MET: variants seen among roughly 807,000 people sequenced by gnomAD.
MET encodes hepatocyte growth factor receptor.
In MET, 48 loss-of-function variants were observed where a neutral mutation model predicts 133.1. That is an observed-to-expected ratio of 0.36 (90% CI 0.29 to 0.46). The LOEUF (loss-of-function observed/expected upper bound fraction) is 0.46. Among genes scored for constraint, MET ranks in the 20% least tolerant of loss-of-function variants. The pLI, the probability that MET is intolerant of heterozygous loss-of-function variation, is 1.00. For missense variants in MET, 1,442 were observed against 1,695.9 expected (o/e 0.85, Z 2.63); for synonymous variants, 628 against 616.5 (o/e 1.02, Z -0.28).
In MET at chr7:116,729,173, T is replaced by TAATC. The variant is rs1792901910; in HGVS notation, c.1201-2494_1201-2491dup. The stretch of plus-strand genomic sequence containing the variant: ...CTCAGTTATCTGCTACTCCTCAGAG[T>TAATC]AATCCATAGTACTTTAGTGAAGAAA... On this transcript the variant is annotated intron_variant, in intron 2 of 20. Transcript: ENST00000397752. Among the ~76,000 whole-genome samples the TAATC allele has an allele frequency of 1.1e-4, 16 of 152,336 alleles. No individual in the cohort carries two copies. The South Asian group carries it at 3.3e-3, about 32-fold the overall frequency.
chr7:116,733,202 T>G (rs942424476), intron 3 of MET, among the ~76,000 whole-genome samples: 10 of 152,204 alleles, frequency 6.6e-5, no homozygotes, highest in African/African-American at 2.4e-4. Flanking sequence ...TGTGTAGTAT[T>G]GTTCTGTGTT....
intron 2 of MET, among the ~76,000 whole-genome samples, chr7:116,709,569 G>A (rs1162943809): frequency 6.6e-6 from 1 of 151,972 alleles, no homozygotes; most frequent in Non-Finnish European, 1.5e-5. Flanking sequence ...ATTTTTGCTT[G>A]GCCGAGAAAG....
At chr7:116,758,683 A>G in intron 9 of MET, 63 bp downstream of exon 9, 4 of 1,543,154 alleles carry the variant, frequency 2.6e-6, no homozygotes, top group Non-Finnish European at 3.6e-6. Flanking sequence ...TTGCTGTAGA[A>G]TAGTCAAGAG....
intron 2 of MET, among the ~76,000 whole-genome samples, chr7:116,702,461 T>A (rs2116618512): frequency 1.3e-5 from 2 of 152,208 alleles, no homozygotes; most frequent in South Asian, 4.1e-4. Flanking sequence ...TTTCCTAGCT[T>A]AATGCCAAAA....
chr7:116,789,289 C>A (rs1246257547), intron 19 of MET, among the ~76,000 whole-genome samples: 1 of 152,188 alleles, frequency 6.6e-6, no homozygotes, highest in East Asian at 1.9e-4. Context: ...CAATAACCAC[C>A]TTTGATTCTC....
chr7:116,772,416 A>G (rs928839079), intron 14 of MET, among the ~76,000 whole-genome samples: 1 of 152,200 alleles, frequency 6.6e-6, no homozygotes, highest in Non-Finnish European at 1.5e-5. Context: ...AGTGTTTTCA[A>G]TGAACTGTTA....
chr7:116,768,287 A>G (rs182735227), intron 11 of MET, among the ~76,000 whole-genome samples: 194 of 152,280 alleles, frequency 1.3e-3, no homozygotes, highest in Middle Eastern at 6.8e-3. Flanking sequence ...TTTCTCATAA[A>G]TCAAATCCTA....
At chr7:116,778,661 C>CAGGACA (rs1795061804) in intron 16 of MET, 115 bp from the exon 17 acceptor site, 1 of 1,117,030 alleles carries the variant, frequency 9.0e-7, no homozygotes, top group Non-Finnish European at 1.3e-6. Flanking sequence ...GTCAAACCCT[C>CAGGACA]AGGACAAGAT....
rs773659883 is a variant in MET at position 116,699,425 on chromosome 7, A to T, written c.341A>T (p.Asp114Val). The change falls in exon 2 of 21, where the codon GAT becomes GTT. Residue 114 changes from aspartate to valine, a missense_variant. Transcript: ENST00000397752. ...AATTTATCAGGAGGTGTTTGGAAAG[A>T]TAACATCAACATGGCTCTAGTTGTC... ...KANLSGGVWK[D>V]NINMALVVDT... 7.4e-6 allele frequency: 12 copies of T among 1,613,982 alleles called. No individual in the cohort carries two copies. The African/African-American group carries it at 1.6e-4, about 22-fold the overall frequency.
intron 2 of MET, among the ~76,000 whole-genome samples, chr7:116,722,664 T>A (rs1321269120): frequency 1.3e-5 from 2 of 149,012 alleles, no homozygotes; most frequent in African/African-American, 4.9e-5. Context: ...GGAGCTCTTT[T>A]AGGGCAGGCC....
At chr7:116,678,907 G>C (rs1191579792) in intron 1 of MET, among the ~76,000 whole-genome samples, 2 of 151,974 alleles carry the variant, frequency 1.3e-5, no homozygotes, top group African/African-American at 4.8e-5. Flanking sequence ...AGGCCTTTTT[G>C]TTCCAGAAAA....
At chr7:116,717,813 C>A (rs1462464114) in intron 2 of MET, among the ~76,000 whole-genome samples, 1 of 152,144 alleles carries the variant, frequency 6.6e-6, no homozygotes, top group Non-Finnish European at 1.5e-5. Context: ...AATATAATTA[C>A]ATATTCACTG....
intron 4 of MET, among the ~76,000 whole-genome samples, chr7:116,740,438 C>T (rs752531321): frequency 4.6e-5 from 7 of 152,236 alleles, no homozygotes; most frequent in African/African-American, 1.2e-4. Flanking sequence ...AATCCCTTTT[C>T]TCCTAGAGAA....
chr7:116,730,312 A>G lies in MET; in HGVS notation c.1201-1356A>G, dbSNP rs574603106. On this transcript the variant is annotated intron_variant, in intron 2 of 20. Transcript: ENST00000397752. ...CTGCTCGCTGGAGCACTAAGAACAC[A>G]GATCTGGAGAAGTTGGGCAGGGGCC... is the stretch of plus-strand genomic sequence containing the variant. Among the ~76,000 whole-genome samples, 5 of 152,306 alleles carry G rather than the reference A, an allele frequency of 3.3e-5. No individual in the cohort carries two copies. In the South Asian group the frequency reaches 1.0e-3, roughly 32 times the overall value.
At chr7:116,726,167 A>ATATATATATATATATACACACACACAC (rs1792772117) in intron 2 of MET, among the ~76,000 whole-genome samples, 1 of 122,032 alleles carries the variant, frequency 8.2e-6, no homozygotes, top group Non-Finnish European at 1.7e-5. Context: ...ATATATATAT[A>ATATATATATATATATACACACACACAC]TATATATATA....
chr7:116,793,846 C>A (rs1044967809), intron 19 of MET, among the ~76,000 whole-genome samples: 2 of 152,032 alleles, frequency 1.3e-5, no homozygotes, highest in Non-Finnish European at 2.9e-5. Flanking sequence ...TTGCAGTACA[C>A]CAAGATTGCA....
intron 5 of MET, among the ~76,000 whole-genome samples, chr7:116,744,371 G>C (rs771266283): frequency 6.6e-6 from 1 of 151,956 alleles, no homozygotes; most frequent in Non-Finnish European, 1.5e-5. Flanking sequence ...GAAAAACACA[G>C]CATGAGAACT....
Position 116,699,512 on chromosome 7 carries a change from G to A in MET, c.428G>A (p.Arg143Gln), listed in dbSNP as rs35469582. ...CGSVNRGTCQRHVFPHNHTAD... is the reference protein window; with the variant it reads ...CGSVNRGTCQQHVFPHNHTAD... ...AGCGTCAACAGAGGGACCTGCCAGC[G>A]ACATGTCTTTCCCCACAATCATACT... The change falls in exon 2 of 21, where the codon CGA (arginine) becomes CAA (glutamine). Residue 143 changes from arginine to glutamine, a missense_variant. This residue lies in a region of MET where 762 missense variants were observed against 792.4 expected (regional missense o/e 0.96). Transcript: ENST00000397752. 7.4e-6 allele frequency: 12 copies of A among 1,613,858 alleles called. No individual in the cohort carries two copies. In the Admixed American group the frequency reaches 8.3e-5, roughly 11 times the overall value.
intron 15 of MET, 109 bp downstream of exon 15, chr7:116,775,220 C>A: frequency 2.1e-6 from 2 of 939,564 alleles, no homozygotes; most frequent in Non-Finnish European, 3.4e-6. Flanking sequence ...ACTGACAGAG[C>A]AGTGATAACA....
Sources: allele counts gnomAD v4.1 joint callset (sites outside exome capture counted in the v4.1 genomes callset), GRCh38; gene constraint gnomAD v4.1.1; regional missense constraint gnomAD v4.1.1; transcripts MANE v1.5; gene names NCBI Gene and HGNC (gene_info 2026-07-23, HGNC 2026-07-21).